POU2F1: variants seen among roughly 807,000 people sequenced by gnomAD.
POU2F1 encodes the protein POU class 2 homeobox 1, also known as POU domain, class 2, transcription factor 1.
Under a neutral mutation model 84.9 loss-of-function variants are expected in POU2F1, and 16 were observed. The ratio of observed to expected loss-of-function variants is 0.19; its 90% confidence interval spans 0.13 to 0.29. The LOEUF is 0.29. POU2F1 is among the 10% of genes least tolerant of loss of function. The pLI is 1.00. For missense variants in POU2F1, 738 were observed against 942.6 expected (o/e 0.78, Z 2.84); for synonymous variants, 368 against 368.3 (o/e 1.00, Z 0.01).
intron 9 of POU2F1, among the ~76,000 whole-genome samples, chr1:167,390,812 A>G (rs1381684066): frequency 1.3e-5 from 2 of 152,212 alleles, no homozygotes; most frequent in Non-Finnish European, 2.9e-5. Flanking sequence ...ATTAATAAAA[A>G]TTAAAAATAA....
At chr1:167,302,880 A>G (rs942234664) in intron 1 of POU2F1, among the ~76,000 whole-genome samples, 5 of 152,240 alleles carry the variant, frequency 3.3e-5, no homozygotes, top group South Asian at 2.1e-4. Flanking sequence ...TTTGAATTCT[A>G]TCGATGAGGA....
chr1:167,365,858 A>T (rs1303653653), intron 3 of POU2F1, among the ~76,000 whole-genome samples: 4 of 152,174 alleles, frequency 2.6e-5, no homozygotes, highest in African/African-American at 9.7e-5. Context: ...TGGCTATCTG[A>T]TGGTAGCAAA....
chr1:167,390,334 A>T (rs1648307153), intron 9 of POU2F1, among the ~76,000 whole-genome samples: 1 of 152,188 alleles, frequency 6.6e-6, no homozygotes, highest in African/African-American at 2.4e-5. Context: ...TTATATCACT[A>T]AATTGTGAAG....
intron 1 of POU2F1, among the ~76,000 whole-genome samples, chr1:167,221,530 C>T (rs1648179217): frequency 6.7e-6 from 1 of 148,804 alleles, no homozygotes; most frequent in South Asian, 2.1e-4. Flanking sequence ...GACACCCGCA[C>T]GCGTCTTCCC....
intron 1 of POU2F1, among the ~76,000 whole-genome samples, chr1:167,308,392 T>G (rs886958660): frequency 4.6e-5 from 7 of 152,034 alleles, no homozygotes; most frequent in African/African-American, 1.7e-4. Flanking sequence ...TACGTTACCT[T>G]TGATCGCTTA....
chr1:167,319,415 G>A (rs983986720), intron 1 of POU2F1, among the ~76,000 whole-genome samples: 2 of 152,068 alleles, frequency 1.3e-5, no homozygotes, highest in African/African-American at 2.4e-5. Context: ...AAAATTTAAA[G>A]TCAGTAATGC....
chr1:167,250,338 G>T (rs929929446), intron 1 of POU2F1, among the ~76,000 whole-genome samples: 6 of 152,102 alleles, frequency 3.9e-5, no homozygotes, highest in Non-Finnish European at 8.8e-5. Flanking sequence ...AGATAGAAAA[G>T]AAAACAGTGT....
intron 1 of POU2F1, among the ~76,000 whole-genome samples, chr1:167,261,794 C>T (rs1444096893): frequency 6.6e-6 from 1 of 152,216 alleles, no homozygotes; most frequent in Non-Finnish European, 1.5e-5. Flanking sequence ...AAACGATTCT[C>T]ATACCTCAGC....
At chr1:167,269,521 CTG>C (rs1227801981) in intron 1 of POU2F1, among the ~76,000 whole-genome samples, 2 of 152,104 alleles carry the variant, frequency 1.3e-5, no homozygotes, top group East Asian at 3.9e-4. Flanking sequence ...TGAAGGATGT[CTG>C]AGAGATGGAA....
At chr1:167,286,212 AC>A (rs1435110962) in intron 1 of POU2F1, among the ~76,000 whole-genome samples, 1 of 152,162 alleles carries the variant, frequency 6.6e-6, no homozygotes, top group Non-Finnish European at 1.5e-5. Context: ...ATTAATATTA[AC>A]TTCTTGTAAC....
rs1247493747 is a variant in POU2F1 at position 167,287,186 on chromosome 1, C to A, written c.62-45284C>A. Among the ~76,000 whole-genome samples the A allele has an allele frequency of 2.0e-5, 3 of 152,270 alleles. No individual in the cohort carries two copies. In the East Asian group the frequency reaches 5.8e-4, roughly 29 times the overall value. On this transcript the variant is annotated intron_variant, in intron 1 of 15. Coordinates refer to ENST00000367866, the MANE Select transcript of POU2F1 (RefSeq NM_002697.4). ...ACTGATGAAGGCTTGTCTTTCTTAGCCTTAGATCCAAATAGAAGTCTTCCC... is the reference window on the plus strand; with the variant it reads ...ACTGATGAAGGCTTGTCTTTCTTAGACTTAGATCCAAATAGAAGTCTTCCC...
At chr1:167,363,572 G>A (rs892645357) in intron 2 of POU2F1, among the ~76,000 whole-genome samples, 3 of 152,016 alleles carry the variant, frequency 2.0e-5, no homozygotes, top group African/African-American at 4.8e-5. Context: ...AGAATGTCTC[G>A]TTGTGGAAAA....
chr1:167,312,225 C>G (rs780852282), intron 1 of POU2F1, among the ~76,000 whole-genome samples: 4 of 150,474 alleles, frequency 2.7e-5, no homozygotes, highest in Non-Finnish European at 5.9e-5. Context: ...CGTGAGCCAC[C>G]GTGCCCAGCC....
chr1:167,379,680 T>C (rs530567150), intron 7 of POU2F1: 1 of 152,294 alleles, frequency 6.6e-6, no homozygotes, highest in African/African-American at 2.4e-5. Context: ...TCAGAAAGAC[T>C]TAGGAAGGTC....
chr1:167,222,261 T>C (rs889172461), intron 1 of POU2F1, among the ~76,000 whole-genome samples: 2 of 152,136 alleles, frequency 1.3e-5, no homozygotes, highest in African/African-American at 4.8e-5. Flanking sequence ...TCTGTGGCGG[T>C]GTTTTCTCGC....
intron 1 of POU2F1, among the ~76,000 whole-genome samples, chr1:167,306,066 AC>A (rs1298593322): frequency 3.3e-5 from 5 of 152,198 alleles, no homozygotes. Context: ...CAACTTGTTA[AC>A]CCTCCACATT....
At chr1:167,410,926 T>A (rs1005597780) in intron 13 of POU2F1, among the ~76,000 whole-genome samples, 6 of 152,242 alleles carry the variant, frequency 3.9e-5, no homozygotes, top group African/African-American at 1.4e-4. Flanking sequence ...CAAATGTGTT[T>A]TAGTGTTTAG....
Position 167,329,100 on chromosome 1 carries a change from C to T in POU2F1, c.62-3370C>T, listed in dbSNP as rs551824650. On this transcript the variant is annotated intron_variant, in intron 1 of 15. Transcript: ENST00000367866. Reference sequence around the variant, plus strand: ...TCAGTTGAAGATTGCTATGGTGTAACAGAAGTTGTATTTTGCTTTTCCCCT... The same window carrying T: ...TCAGTTGAAGATTGCTATGGTGTAATAGAAGTTGTATTTTGCTTTTCCCCT... 9.9e-6 allele frequency: 13 copies of T among 1,309,164 alleles called. No individual in the cohort carries two copies. The East Asian group carries it at 4.3e-4, about 43-fold the overall frequency. The allele number at this position is 1,309,164 out of a possible 1,614,324, so 81.1% of individuals were successfully genotyped here.
chr1:167,365,669 T>A, intron 3 of POU2F1, 102 bp downstream of exon 3: 1 of 807,868 alleles, frequency 1.2e-6, no homozygotes, highest in Non-Finnish European at 1.9e-6. Flanking sequence ...TTTAAATTAT[T>A]TAAAGCCTAG....
Sources: gnomAD v4.1 joint callset for allele counts (sites outside exome capture counted in the v4.1 genomes callset) on GRCh38, gnomAD v4.1.1 for gene constraint, MANE v1.5 for transcripts, NCBI Gene and HGNC (gene_info 2026-07-23, HGNC 2026-07-21) for gene names.